HS3ST2: variants seen among roughly 807,000 people sequenced by gnomAD.
HS3ST2 encodes the protein heparan sulfate-glucosamine 3-sulfotransferase 2.
In HS3ST2, 17 loss-of-function variants were observed where a neutral mutation model predicts 26.3. That is an observed-to-expected ratio of 0.65 (90% CI 0.44 to 0.97). The LOEUF (loss-of-function observed/expected upper bound fraction) is 0.97. Ranked by LOEUF, HS3ST2 falls within the 50% of genes least tolerant of loss-of-function variation. The pLI is 0.00. For synonymous variants in HS3ST2, 237 were observed against 219.2 expected (o/e 1.08, Z -0.72); for missense variants, 402 against 501.2 (o/e 0.80, Z 1.89).
rs540502460 is a variant in HS3ST2, at chr16:22,880,770, C to T, written c.486-34174C>T. Among the ~76,000 whole-genome samples, 38 of 152,300 alleles carry T rather than the reference C, an allele frequency of 2.5e-4. 3 individuals are homozygous for T. In the South Asian group the frequency reaches 6.6e-3, roughly 27 times the overall value. On this transcript the variant is annotated intron_variant, in intron 1 of 1. Coordinates refer to ENST00000261374, the MANE Select transcript of HS3ST2 (RefSeq NM_006043.2). ...GGTGAATCCAAACCTCCCTAAGATACGGTCTATGGACTCTGGTAGAAATAA... is the reference window on the plus strand; with the variant it reads ...GGTGAATCCAAACCTCCCTAAGATATGGTCTATGGACTCTGGTAGAAATAA...
intron 1 of HS3ST2, among the ~76,000 whole-genome samples, chr16:22,868,055 T>TA (rs1047848310): frequency 6.6e-6 from 1 of 152,074 alleles, no homozygotes; most frequent in Non-Finnish European, 1.5e-5. Context: ...TCTGCTTTTT[T>TA]AAAAAAATAT....
intron 1 of HS3ST2, among the ~76,000 whole-genome samples, chr16:22,889,918 ATAAAG>A (rs1204425142): frequency 6.6e-6 from 1 of 152,226 alleles, no homozygotes; most frequent in African/African-American, 2.4e-5. Context: ...TTTTTAAAAA[ATAAAG>A]TAAAATACAA....
intron 1 of HS3ST2, among the ~76,000 whole-genome samples, chr16:22,897,843 G>C (rs1451601942): frequency 3.3e-5 from 1 of 30,496 alleles, no homozygotes; most frequent in Non-Finnish European, 5.8e-5. Flanking sequence ...AATAGTAATA[G>C]CTCCTTGATG....
intron 1 of HS3ST2, among the ~76,000 whole-genome samples, chr16:22,861,240 GC>G (rs1901670353): frequency 6.6e-6 from 1 of 151,628 alleles, no homozygotes; most frequent in Admixed American, 6.6e-5. Context: ...TTCTTTTCTG[GC>G]CTCTAGAACC....
chr16:22,892,513 G>A (rs1902144826), intron 1 of HS3ST2, among the ~76,000 whole-genome samples: 1 of 152,022 alleles, frequency 6.6e-6, no homozygotes, highest in Non-Finnish European at 1.5e-5. Flanking sequence ...TTTCTAAAAT[G>A]TTATTATAAT....
At chr16:22,826,836 G>A (rs1393884337) in intron 1 of HS3ST2, among the ~76,000 whole-genome samples, 1 of 152,192 alleles carries the variant, frequency 6.6e-6, no homozygotes, top group East Asian at 1.9e-4. Context: ...CTGTGTGTCA[G>A]CCACATAGTC....
In HS3ST2 at chr16:22,890,555, A is replaced by G. The variant is rs370169644; in HGVS notation, c.486-24389A>G. ...GCTCTTTTAATGCAAAAACACATAT[A>G]TCTTTGTTTTGTCAAACTTTTTAGG... On this transcript the variant is annotated intron_variant, in intron 1 of 1. Transcript: ENST00000261374. Among the ~76,000 whole-genome samples the G allele has an allele frequency of 9.9e-4, 151 of 152,328 alleles. 6 individuals carry two copies. The South Asian group carries it at 0.031, about 31-fold the overall frequency.
intron 1 of HS3ST2, among the ~76,000 whole-genome samples, chr16:22,884,479 C>T (rs573093139): frequency 1.3e-5 from 2 of 152,106 alleles, no homozygotes; most frequent in Admixed American, 6.5e-5. Flanking sequence ...CTCTCCGTAA[C>T]TTCTCATCAC....
At chr16:22,911,508 A>G (rs2141749393) in intron 1 of HS3ST2, among the ~76,000 whole-genome samples, 1 of 152,368 alleles carries the variant, frequency 6.6e-6, no homozygotes, top group South Asian at 2.1e-4. Context: ...TCACAGTTCT[A>G]GAGGATAGAA....
chr16:22,837,630 AAC>A (rs34064588), intron 1 of HS3ST2, among the ~76,000 whole-genome samples: 4 of 148,282 alleles, frequency 2.7e-5, no homozygotes, highest in Admixed American at 6.8e-5. Flanking sequence ...TATACACACA[AAC>A]ACACACACAT....
At chr16:22,848,615 G>A (rs934067527) in intron 1 of HS3ST2, among the ~76,000 whole-genome samples, 5 of 152,036 alleles carry the variant, frequency 3.3e-5, no homozygotes, top group African/African-American at 1.2e-4. Flanking sequence ...CTTCACATAC[G>A]CCTCCACAAC....
intron 1 of HS3ST2, among the ~76,000 whole-genome samples, chr16:22,874,459 G>A (rs934626294): frequency 6.6e-6 from 1 of 152,124 alleles, no homozygotes; most frequent in African/African-American, 2.4e-5. Context: ...CCTAGACACC[G>A]CTGTCCTCAA....
intron 1 of HS3ST2, among the ~76,000 whole-genome samples, chr16:22,874,140 A>G (rs1901877347): frequency 6.6e-6 from 1 of 152,214 alleles, no homozygotes; most frequent in African/African-American, 2.4e-5. Context: ...GACTTCATGT[A>G]GCCATTTTTG....
chr16:22,818,686 CCTTG>C (rs1900911771), intron 1 of HS3ST2, among the ~76,000 whole-genome samples: 16 of 126,258 alleles, frequency 1.3e-4, no homozygotes, highest in African/African-American at 3.4e-4. Context: ...CTCCCTCCCT[CCTTG>C]CCTGCCTTCC....
intron 1 of HS3ST2, among the ~76,000 whole-genome samples, chr16:22,888,376 T>TC (rs1465893557): frequency 7.4e-5 from 6 of 81,336 alleles, no homozygotes; most frequent in African/African-American, 2.3e-4. Flanking sequence ...GGCTTTTCTT[T>TC]TTTTTTTTTT....
intron 1 of HS3ST2, among the ~76,000 whole-genome samples, chr16:22,894,404 C>G (rs1902176648): frequency 6.6e-6 from 1 of 152,184 alleles, no homozygotes; most frequent in African/African-American, 2.4e-5. Context: ...GATGTAGCTC[C>G]TCTTTCTAGA....
intron 1 of HS3ST2, among the ~76,000 whole-genome samples, chr16:22,826,680 A>G (rs467164): frequency 0.57 from 87,246 of 152,046 alleles, 26,859 homozygotes; most frequent in African/African-American, 0.81. Flanking sequence ...TACTCTTAGC[A>G]ATGAGGGATG....
At chr16:22,912,974 GA>G (rs894551440) in intron 1 of HS3ST2, among the ~76,000 whole-genome samples, 200 of 152,214 alleles carry the variant, frequency 1.3e-3, no homozygotes, top group Non-Finnish European at 2.6e-3. Context: ...TTAGGATTGG[GA>G]AAGGTGTTTC....
At chr16:22,823,780 G>A (rs1901039742) in intron 1 of HS3ST2, among the ~76,000 whole-genome samples, 2 of 152,062 alleles carry the variant, frequency 1.3e-5, no homozygotes, top group African/African-American at 2.4e-5. Context: ...GAGTGAGACT[G>A]TTTCTAGCTT....
Sources: allele counts gnomAD v4.1 joint callset (sites outside exome capture counted in the v4.1 genomes callset), GRCh38; gene constraint gnomAD v4.1.1; transcripts MANE v1.5; gene names NCBI Gene and HGNC (gene_info 2026-07-23, HGNC 2026-07-21).